Variants in RABL6 observed in about 807,000 individuals in gnomAD.
RABL6 encodes the protein rab-like protein 6.
Under a neutral mutation model 72.9 loss-of-function variants are expected in RABL6, and 28 were observed. The observed-to-expected ratio is 0.38, with a 90% CI of 0.28 to 0.53. RABL6 has a LOEUF of 0.53. RABL6 is among the 20% of genes least tolerant of loss of function. The pLI is 0.80. For synonymous variants in RABL6, 477 were observed against 421.2 expected (o/e 1.13, Z -1.62); for missense variants, 1,029 against 1,008.4 (o/e 1.02, Z -0.28).
intron 7 of RABL6, chr9:136,833,998 G>A (rs768575698): frequency 6.6e-7 from 1 of 1,512,974 alleles, no homozygotes; most frequent in Non-Finnish European, 8.9e-7. Flanking sequence ...CTCCCAGGGA[G>A]AGAACGGGAC....
At position 136,831,015 on chromosome 9, in the gene RABL6, G is replaced by T. The variant is rs1378979401; in HGVS notation, c.459-706G>T. 5 of 154,782 alleles carry T rather than the reference G, an allele frequency of 3.2e-5. No homozygotes were observed. In the Admixed American group the frequency reaches 3.3e-4, roughly 10 times the overall value. The allele number at this position is 154,782 out of a possible 1,614,324, so 9.6% of individuals were successfully genotyped here. ...GAGGTGCCCCTGGGCCGGCCTTGGT[G>T]AGGGGCCCGTTTAAATGACTGCGTG... is the stretch of plus-strand genomic sequence containing the variant. On this transcript the variant is annotated intron_variant, in intron 5 of 14. Coordinates refer to ENST00000311502, the MANE Select transcript of RABL6 (RefSeq NM_024718.5).
In RABL6 at chr9:136,837,796, G is replaced by A. The variant is rs1321149653; in HGVS notation, c.1127-66G>A. On this transcript the variant is annotated intron_variant, in intron 9 of 14. Transcript: ENST00000311502. ...CGTGGGCACATCCCGGGTGGGCCTG[G>A]CTTGGGGTTGGGTGCAGTGAGGGTT... The A allele has an allele frequency of 4.2e-5, 64 of 1,541,300 alleles. No homozygotes were observed. The Middle Eastern group carries it at 6.7e-4, about 16-fold the overall frequency.
At chr9:136,832,521 G>A in intron 7 of RABL6, 151 bp downstream of exon 7, 1 of 740,154 alleles carries the variant, frequency 1.4e-6, no homozygotes, top group Admixed American at 2.0e-5. Context: ...GCGTTCTACT[G>A]CACCTGCCTG....
At chr9:136,813,988 T>C in intron 1 of RABL6, 1 of 395,796 alleles carries the variant, frequency 2.5e-6, no homozygotes, top group East Asian at 8.0e-5. Flanking sequence ...TATTCTCACA[T>C]CTTGCTCTTT....
At position 136,840,406 on chromosome 9, in the gene RABL6, C is replaced by T. The variant is rs1395955199; in HGVS notation, c.2074C>T (p.Gln692Ter). ...GGGCAAGGAGGAGCGGCGACGGCGG[C>T]AGCAGCGGCCCCCGCGCAGCAGGGA... ...EEGKEERRRRQQRPPRSRERT... is the reference protein window; with the variant it reads ...EEGKEERRRR The change falls in exon 15 of 15, where the codon CAG becomes TAG. Residue 692 changes from glutamine to a stop codon, truncating the protein, a stop_gained. Transcript: ENST00000311502. LOFTEE classifies it low-confidence loss of function (END_TRUNC). 2 of 1,550,646 alleles carry T rather than the reference C, an allele frequency of 1.3e-6. No individual in the cohort carries two copies. Among genetic ancestry groups the T allele is most frequent in the Non-Finnish European group, 8.7e-7 (1 of 1,147,156 alleles).
At chr9:136,834,119 C>G in intron 7 of RABL6, 1 of 1,315,484 alleles carries the variant, frequency 7.6e-7, no homozygotes, top group Non-Finnish European at 9.7e-7. Flanking sequence ...AGCAGCGGGA[C>G]CCCTGTTTCC....
Position 136,807,948 on chromosome 9 carries a change from A to G in RABL6, c.-249A>G. The G allele has an allele frequency of 7.0e-6, 7 of 999,202 alleles. No homozygotes were observed. Among genetic ancestry groups the G allele is most frequent in the Non-Finnish European group, 8.3e-6 (7 of 840,806 alleles). The allele number at this position is 999,202 out of a possible 1,614,324, so 61.9% of individuals were successfully genotyped here. On this transcript the variant is annotated 5_prime_UTR_variant, in exon 1 of 15. Transcript: ENST00000311502. ...CTCCCGTCCCGCCGAGCCGGCGCCA[A>G]GATGGCGGCGCTGACTCCTGGAGAG...
At chr9:136,817,518 G>A (rs1848143596) in intron 1 of RABL6, among the ~76,000 whole-genome samples, 1 of 149,714 alleles carries the variant, frequency 6.7e-6, no homozygotes, top group Non-Finnish European at 1.5e-5. Flanking sequence ...CTGAGGGGAG[G>A]CCGACGTGGG....
At chr9:136,814,225 C>G (rs1848070712) in intron 1 of RABL6, 1 of 232,478 alleles carries the variant, frequency 4.3e-6, no homozygotes, top group Non-Finnish European at 8.6e-6. Context: ...GGGTCTTGCT[C>G]TGTTACCCAG....
intron 1 of RABL6, chr9:136,813,491 C>A: frequency 2.1e-6 from 1 of 468,834 alleles, no homozygotes; most frequent in Non-Finnish European, 3.9e-6. Context: ...ATCGGCCATC[C>A]ATCTCTGTTC....
intron 4 of RABL6, 47 bp downstream of exon 4, chr9:136,828,593 G>T (rs1179727947): frequency 6.3e-7 from 1 of 1,589,832 alleles, no homozygotes; most frequent in Non-Finnish European, 8.6e-7. Context: ...GGGCCCCGGG[G>T]TGCGTGAGCC....
chr9:136,839,021 C>G lies in RABL6; in HGVS notation c.1393C>G (p.Gln465Glu), dbSNP rs1848635541. Residue 465 changes from glutamine (Q) to glutamate (E), a missense_variant, in exon 11 of 15, where the codon CAA (glutamine) becomes GAA (glutamate). Transcript: ENST00000311502. ...PPLPAGPVPS[Q>E]DITLSSEEEA... is the part of the protein sequence containing the mutation. The stretch of plus-strand genomic sequence containing the variant: ...GCTGCCTGCAGGCCCCGTCCCCAGT[C>G]AAGACATCACTCTTTCGAGTGAGGA... 2 of 1,612,378 alleles carry G rather than the reference C, an allele frequency of 1.2e-6. No individual in the cohort carries two copies. The highest frequency in any genetic ancestry group is 2.7e-5 in the African/African-American group (2 of 74,928).
Position 136,837,896 on chromosome 9 carries a change from C to T in RABL6, c.1161C>T (p.Val387=). The change falls in exon 10 of 15, where the codon GTC becomes GTT. Residue 387 remains valine, a synonymous_variant. Transcript: ENST00000311502. Reference sequence around the variant, plus strand: ...CGGCCGCAGAGGGCCCAGCAACGGTCCAGAGTGTGGAGGACTTTGTTCCTG... The same window carrying T: ...CGGCCGCAGAGGGCCCAGCAACGGTTCAGAGTGTGGAGGACTTTGTTCCTG... ...PVPAAEGPAT[V]QSVEDFVPDD... 6.4e-7 allele frequency: 1 copy of T among 1,551,010 alleles called. No individual in the cohort carries two copies. Among genetic ancestry groups the T allele is most frequent in the Middle Eastern group, 2.0e-4 (1 of 5,088 alleles).
chr9:136,817,004 T>A (rs138845537), intron 1 of RABL6, among the ~76,000 whole-genome samples: 126 of 152,340 alleles, frequency 8.3e-4, no homozygotes, highest in African/African-American at 2.8e-3. Flanking sequence ...GTCAAGACTG[T>A]ATGCCCATGA....
intron 6 of RABL6, 175 bp from the exon 7 acceptor site, chr9:136,832,089 CA>C: frequency 1.1e-6 from 1 of 879,808 alleles, no homozygotes; most frequent in Non-Finnish European, 1.7e-6. Context: ...ACTGTGGGGT[CA>C]CCTGCAGAAG....
At chr9:136,821,752 G>T (rs1848242325) in intron 1 of RABL6, 28 of 1,149,720 alleles carry the variant, frequency 2.4e-5, no homozygotes, top group Non-Finnish European at 2.9e-5. Flanking sequence ...CCGGGCCGCC[G>T]GGCTGGAGGG....
At position 136,840,467 on chromosome 9, in the gene RABL6, G is replaced by C. The variant is rs753411564; in HGVS notation, c.2135G>C (p.Gly712Ala). ...TAADELEAFL[G>A]GGAPGGRHPG... ...GCCGATGAGCTGGAGGCTTTCCTGG[G>C]GGGCGGGGCCCCGGGCGGCCGCCAC... is the stretch of plus-strand genomic sequence containing the variant. The change falls in exon 15 of 15, where the codon GGG (glycine) becomes GCG (alanine). Residue 712 changes from glycine to alanine, a missense_variant. Physicochemically the swap from Gly to Ala is moderately conservative, Grantham distance 60. Coordinates refer to ENST00000311502, the MANE Select transcript of RABL6 (RefSeq NM_024718.5). 6.5e-7 allele frequency: 1 copy of C among 1,534,250 alleles called. No individual in the cohort carries two copies. Among genetic ancestry groups the C allele is most frequent in the Non-Finnish European group, 8.8e-7 (1 of 1,141,232 alleles).
Position 136,829,485 on chromosome 9 carries a change from G to T in RABL6, c.458+1G>T. On this transcript the variant is annotated splice_donor_variant, in intron 5 of 14. Transcript: ENST00000311502. LOFTEE classifies it high-confidence loss of function. ...TGATGTTCGACATTACCAAGCAGTG[G>T]TAAGAGGGAGCTGGCGGGGGCAGCT... 6.3e-7 allele frequency: 1 copy of T among 1,577,406 alleles called. No homozygotes were observed. The highest frequency in any genetic ancestry group is 8.6e-7 in the Non-Finnish European group (1 of 1,162,128).
intron 8 of RABL6, chr9:136,836,836 A>G (rs1231308202): frequency 1.4e-5 from 4 of 296,028 alleles, no homozygotes; most frequent in Non-Finnish European, 2.6e-5. Context: ...AGCTGGACAC[A>G]TGTACGCTGG....
Sources: allele counts gnomAD v4.1 joint callset (sites outside exome capture counted in the v4.1 genomes callset), GRCh38; gene constraint gnomAD v4.1.1; transcripts MANE v1.5; gene names NCBI Gene and HGNC (gene_info 2026-07-23, HGNC 2026-07-21).